IRF4: variants seen among roughly 807,000 people sequenced by gnomAD.
The protein encoded by IRF4 is interferon regulatory factor 4, also known as lymphocyte-specific interferon regulatory factor.
In IRF4, 13 loss-of-function variants were observed where a neutral mutation model predicts 55.5. That is an observed-to-expected ratio of 0.23 (90% CI 0.15 to 0.37). The LOEUF (loss-of-function observed/expected upper bound fraction) is 0.37, where lower values mean the gene tolerates loss of function less well. IRF4 is among the 10% of genes least tolerant of loss of function. The pLI is 1.00. For synonymous variants in IRF4, 249 were observed against 240.7 expected, an observed-to-expected ratio of 1.03 and a Z score of -0.32; for missense variants, 397 against 593.8, an observed-to-expected ratio of 0.67 and a Z score of 3.44.
At chr6:396,348 C>T (rs1761258694) in intron 4 of IRF4, among the ~76,000 whole-genome samples, 1 of 152,250 alleles carries the variant, frequency 6.6e-6, no homozygotes, top group Non-Finnish European at 1.5e-5. Context: ...CTTTTGGTGC[C>T]AGGTTTAGCC....
In IRF4 at chr6:401,449, C is replaced by T; in HGVS notation, c.771C>T (p.Tyr257=). Residue 257 remains tyrosine (Y), a synonymous_variant, in exon 7 of 9, where the codon TAC becomes TAT. Coordinates refer to ENST00000380956, the MANE Select transcript of IRF4 (RefSeq NM_002460.4). ...ACTGCCGGCTGCACATCTGCCTGTACTACCGGGAAATCCTCGTGAAGGAGC... is the reference window on the plus strand; with the variant it reads ...ACTGCCGGCTGCACATCTGCCTGTATTACCGGGAAATCCTCGTGAAGGAGC... The part of the protein sequence containing the change: ...FSDCRLHICL[Y]YREILVKELT... 1.2e-6 allele frequency: 2 copies of T among 1,613,474 alleles called. No individual in the cohort carries two copies. The highest frequency in any genetic ancestry group is 1.7e-6 in the Non-Finnish European group (2 of 1,179,970).
At position 393,068 on chromosome 6, in the gene IRF4, G is replaced by T; in HGVS notation, c.-55-30G>T. 1 of 1,288,536 alleles carries T rather than the reference G, an allele frequency of 7.8e-7. No homozygotes were observed. Among genetic ancestry groups the T allele is most frequent in the Admixed American group, 2.2e-5 (1 of 44,666 alleles). The allele number at this position is 1,288,536 out of a possible 1,614,324, so 79.8% of individuals were successfully genotyped here. A position where few individuals can be genotyped will look rare whatever the true frequency, so the allele number is the denominator to read the frequency against. On this transcript the variant is annotated intron_variant, in intron 1 of 8. Coordinates refer to ENST00000380956, the MANE Select transcript of IRF4 (RefSeq NM_002460.4). The surrounding 1 kb of genome is among the most constrained non-coding windows in gnomAD (Gnocchi z 5.4). ...CGGGGTGCCCGGAGTGCGGTGCCTC[G>T]TGGCTGAAGGGCAGCTCTTCTCCCC... is the stretch of plus-strand genomic sequence containing the variant.
chr6:393,227 C>T lies in IRF4; in HGVS notation c.75C>T (p.Arg25=), dbSNP rs566756778. ...SAVSCGNGKL[R]QWLIDQIDSG... ...TGAGCTGCGGCAACGGGAAGCTCCG[C>T]CAGTGGCTGATCGACCAGATCGACA... Residue 25 remains arginine (R), a synonymous_variant, in exon 2 of 9, where the codon CGC becomes CGT. Transcript: ENST00000380956. The surrounding 1 kb of genome is among the most constrained non-coding windows in gnomAD (Gnocchi z 5.4). The T allele has an allele frequency of 9.5e-6, 15 of 1,571,046 alleles. No homozygotes were observed. In the African/African-American group the frequency reaches 1.8e-4, roughly 18 times the overall value.
rs920200522 is a variant in IRF4, at chr6:411,431, T to A, written c.*3833T>A. On this transcript the variant is annotated 3_prime_UTR_variant, in exon 9 of 9. Transcript: ENST00000380956. ...ATGTTTTTAGGTAAATAAAAACTTT[T>A]AAAAATTTGTTATGGAATGTGTGTG... The A allele has an allele frequency of 2.7e-5, 5 of 188,042 alleles. No homozygotes were observed. Among genetic ancestry groups the A allele is most frequent in the African/African-American group, 4.7e-5 (2 of 42,836 alleles). The allele number at this position is 188,042 out of a possible 1,614,324, so 11.6% of individuals were successfully genotyped here. A position where few individuals can be genotyped will look rare whatever the true frequency, so the allele number is the denominator to read the frequency against.
Position 397,223 on chromosome 6 carries a change from AC to A in IRF4, c.610del (p.His204ThrfsTer13). On this transcript the variant is annotated frameshift_variant, in exon 5 of 9. Coordinates refer to ENST00000380956, the MANE Select transcript of IRF4 (RefSeq NM_002460.4). LOFTEE classifies it high-confidence loss of function. Reference sequence around the variant, plus strand: ...CCCATGACGTTTGGACCCCGCGGCCACCACTGGCAAGGCCCAGCTTGTGAAA... The same window carrying A: ...CCCATGACGTTTGGACCCCGCGGCCACACTGGCAAGGCCCAGCTTGTGAAA... ...QCPMTFGPRG[H>X]HWQGPACENG... 6.2e-7 allele frequency: 1 copy of A among 1,614,278 alleles called. No homozygotes were observed. Among genetic ancestry groups the A allele is most frequent in the Non-Finnish European group, 8.5e-7 (1 of 1,180,054 alleles).
chr6:401,376 G>C (rs759801296), intron 6 of IRF4, 48 bp from the exon 7 acceptor site: 4 of 1,439,746 alleles, frequency 2.8e-6, no homozygotes, highest in Non-Finnish European at 3.8e-6. Flanking sequence ...TGGCCTCGAG[G>C]TGGTGTCCTT....
At chr6:400,374 T>G in intron 6 of IRF4, among the ~76,000 whole-genome samples, 1 of 152,166 alleles carries the variant, frequency 6.6e-6, no homozygotes, top group Admixed American at 6.5e-5. Flanking sequence ...CTTGGTTCTT[T>G]CAACTCATGG....
intron 3 of IRF4, among the ~76,000 whole-genome samples, chr6:395,525 G>A (rs1398079930): frequency 6.6e-6 from 1 of 152,188 alleles, no homozygotes; most frequent in Non-Finnish European, 1.5e-5. Flanking sequence ...TCAGGAATCT[G>A]CATCTGGAAC....
rs1315040072 is a variant in IRF4 at position 405,127 on chromosome 6, T to C, written c.1209T>C (p.Ala403=). The change falls in exon 8 of 9, where the codon GCT becomes GCC. Residue 403 remains alanine, a synonymous_variant. Transcript: ENST00000380956. Reference sequence around the variant, plus strand: ...AGAGGCAAAGAAAGCTCATCACAGCTCACGTGAGTCCTCAGTTACACTCCT... The same window carrying C: ...AGAGGCAAAGAAAGCTCATCACAGCCCACGTGAGTCCTCAGTTACACTCCT... ...DPQRQRKLIT[A]HVEPLLARQL... is the part of the protein sequence containing the mutation. The C allele has an allele frequency of 1.9e-6, 3 of 1,547,390 alleles. No homozygotes were observed. The African/African-American group carries it at 4.1e-5, about 21-fold the overall frequency.
At chr6:397,882 A>G (rs6937903) in intron 5 of IRF4, among the ~76,000 whole-genome samples, 2,692 of 152,282 alleles carry the variant, frequency 0.018, 76 homozygotes, top group African/African-American at 0.06. Flanking sequence ...AGGACTTTTG[A>G]GTTAGTTACT....
At position 395,065 on chromosome 6, in the gene IRF4, C is replaced by G. The variant is rs1461913011; in HGVS notation, c.403+58C>G. On this transcript the variant is annotated intron_variant, in intron 3 of 8. Transcript: ENST00000380956. ...AGAGGCAGCCAGATCCTTGAGGCAC[C>G]TTAACTTCATTCTGAGCATCACTTT... The G allele has an allele frequency of 1.9e-5, 25 of 1,310,576 alleles. No homozygotes were observed. In the South Asian group the frequency reaches 3.4e-4, roughly 18 times the overall value. 81.2% of individuals were successfully genotyped at this position (1,310,576 alleles called of 1,614,324 possible).
At position 393,059 on chromosome 6, in the gene IRF4, C is replaced by A; in HGVS notation, c.-55-39C>A. On this transcript the variant is annotated intron_variant, in intron 1 of 8. Transcript: ENST00000380956. This position sits in a 1 kb window ranked among gnomAD's most constrained non-coding sequence, Gnocchi z 5.4. ...GGATCGGGGCGGGGTGCCCGGAGTG[C>A]GGTGCCTCGTGGCTGAAGGGCAGCT... is the stretch of plus-strand genomic sequence containing the variant. 2 of 1,174,992 alleles carry A rather than the reference C, an allele frequency of 1.7e-6. No homozygotes were observed. The highest frequency in any genetic ancestry group is 2.4e-6 in the Non-Finnish European group (2 of 841,348). 72.8% of individuals were successfully genotyped at this position (1,174,992 alleles called of 1,614,324 possible).
Position 410,201 on chromosome 6 carries a change from A to G in IRF4, c.*2603A>G. On this transcript the variant is annotated 3_prime_UTR_variant, in exon 9 of 9. Transcript: ENST00000380956. ...TGTTGAAGATTTGAGGACTTGTTAA[A>G]GAGCACTGGGTCATATGGAAAAAAT... 4.4e-6 allele frequency: 1 copy of G among 229,832 alleles called. No homozygotes were observed. The highest frequency in any genetic ancestry group is 8.6e-6 in the Non-Finnish European group (1 of 115,788). 14.2% of individuals were successfully genotyped at this position (229,832 alleles called of 1,614,324 possible).
chr6:400,557 T>C (rs1322805660), intron 6 of IRF4, among the ~76,000 whole-genome samples: 2 of 151,860 alleles, frequency 1.3e-5, no homozygotes, highest in East Asian at 3.8e-4. Context: ...CATTAATTTC[T>C]TTCTTTTCAC....
In IRF4 at chr6:393,913, T is replaced by C. The variant is rs1761190218; in HGVS notation, c.216+545T>C. On this transcript the variant is annotated intron_variant, in intron 2 of 8. Transcript: ENST00000380956. The surrounding 1 kb of genome is among the most constrained non-coding windows in gnomAD (Gnocchi z 5.4). ...CTAGCTCTCTGCGGGTACTCCCACC[T>C]CTGTCTTTCTCTTTGTGTGTCTCTG... Among the ~76,000 whole-genome samples, 1 of 152,196 alleles carries C rather than the reference T, an allele frequency of 6.6e-6. No individual in the cohort carries two copies. The highest frequency in any genetic ancestry group is 2.4e-5 in the African/African-American group (1 of 41,456).
intron 8 of IRF4, among the ~76,000 whole-genome samples, chr6:405,665 G>C (rs1339156073): frequency 6.6e-6 from 1 of 152,162 alleles, no homozygotes; most frequent in African/African-American, 2.4e-5. Context: ...TTTGAAAGAG[G>C]CTGAATCTTT....
intron 7 of IRF4, among the ~76,000 whole-genome samples, chr6:402,186 C>G (rs1761421033): frequency 6.6e-6 from 1 of 152,152 alleles, no homozygotes; most frequent in Admixed American, 6.5e-5. Flanking sequence ...AGATGCTGGC[C>G]CACGAGTGAG....
At position 393,415 on chromosome 6, in the gene IRF4, A is replaced by C; in HGVS notation, c.216+47A>C. On this transcript the variant is annotated intron_variant, in intron 2 of 8. Transcript: ENST00000380956. The surrounding 1 kb of genome is among the most constrained non-coding windows in gnomAD (Gnocchi z 5.4). ...CGGGGGCGCGCCGGGGAGGGCCCAGAGACAGAGCCCGGGGTCCCCGGCGCC... is the reference window on the plus strand; with the variant it reads ...CGGGGGCGCGCCGGGGAGGGCCCAGCGACAGAGCCCGGGGTCCCCGGCGCC... 3 of 1,086,414 alleles carry C rather than the reference A, an allele frequency of 2.8e-6. No individual in the cohort carries two copies. The highest frequency in any genetic ancestry group is 1.7e-5 in the African/African-American group (1 of 59,278). 67.3% of individuals were successfully genotyped at this position (1,086,414 alleles called of 1,614,324 possible).
In IRF4 at chr6:403,821, G is replaced by T. The variant is rs577145521; in HGVS notation, c.1100-1197G>T. ...ACCAAACACTCTCATGTTATCTAGGGTTGGAGCCATGCTTTCTCAGAGAAT... is the reference window on the plus strand; with the variant it reads ...ACCAAACACTCTCATGTTATCTAGGTTTGGAGCCATGCTTTCTCAGAGAAT... On this transcript the variant is annotated intron_variant, in intron 7 of 8. Coordinates refer to ENST00000380956, the MANE Select transcript of IRF4 (RefSeq NM_002460.4). Among the ~76,000 whole-genome samples, 55 of 152,312 alleles carry T rather than the reference G, an allele frequency of 3.6e-4. 1 individual carries two copies. In the South Asian group the frequency reaches 0.011, roughly 31 times the overall value.
Sources: allele counts gnomAD v4.1 joint callset (sites outside exome capture counted in the v4.1 genomes callset), GRCh38; gene constraint gnomAD v4.1.1; non-coding constraint Gnocchi (gnomAD v3.1); transcripts MANE v1.5; gene names NCBI Gene and HGNC (gene_info 2026-07-23, HGNC 2026-07-21).